BICDL1: variants seen among roughly 807,000 people sequenced by gnomAD.
BICDL1 encodes BICD family-like cargo adapter 1.
A neutral mutation model predicts 76.8 loss-of-function variants in BICDL1; 20 were observed. That is an observed-to-expected ratio of 0.26 (90% confidence interval 0.18 to 0.38). The LOEUF is 0.38. BICDL1 is among the 10% of genes least tolerant of loss of function. BICDL1 has a pLI of 1.00. For synonymous variants in BICDL1, 383 were observed against 337.1 expected (o/e 1.14, Z -1.49); for missense variants, 700 against 798.6 (o/e 0.88, Z 1.49).
At chr12:120,021,647 C>T (rs1419809509) in intron 2 of BICDL1, among the ~76,000 whole-genome samples, 1 of 148,992 alleles carries the variant, frequency 6.7e-6, no homozygotes, top group Non-Finnish European at 1.5e-5. Flanking sequence ...TGCCTGTAAT[C>T]CCAGCACTTT....
intron 2 of BICDL1, among the ~76,000 whole-genome samples, chr12:120,011,782 G>A (rs144176196): frequency 7.0e-6 from 1 of 142,024 alleles, no homozygotes; most frequent in African/African-American, 2.7e-5. Context: ...TTCCCATAAA[G>A]TCCAACAGCA....
At chr12:120,017,433 A>G (rs1205821025) in intron 2 of BICDL1, among the ~76,000 whole-genome samples, 5 of 152,180 alleles carry the variant, frequency 3.3e-5, no homozygotes, top group African/African-American at 1.2e-4. Flanking sequence ...CTTTTTATGC[A>G]TCATCTGTAA....
chr12:120,091,071 C>G, intron 9 of BICDL1: 1 of 1,286,896 alleles, frequency 7.8e-7, no homozygotes, highest in Admixed American at 2.3e-5. Context: ...CATTGCTGTG[C>G]TGCCCCGCCG....
intron 2 of BICDL1, chr12:120,057,285 G>T: frequency 2.8e-6 from 1 of 353,588 alleles, no homozygotes; most frequent in Non-Finnish European, 5.5e-6. Flanking sequence ...AACGTGCTGG[G>T]ATTACACCGC....
chr12:120,020,520 G>A (rs1223035014), intron 2 of BICDL1, among the ~76,000 whole-genome samples: 1 of 152,144 alleles, frequency 6.6e-6, no homozygotes, highest in East Asian at 1.9e-4. Flanking sequence ...TTTTCCAGGA[G>A]CAACCTTTTT....
chr12:120,089,609 C>A (rs1291363317), intron 8 of BICDL1, among the ~76,000 whole-genome samples: 1 of 151,982 alleles, frequency 6.6e-6, no homozygotes, highest in African/African-American at 2.4e-5. Flanking sequence ...CTCGAACCCT[C>A]GATCTCAGGT....
At chr12:120,006,312 T>C (rs1414229633) in intron 2 of BICDL1, among the ~76,000 whole-genome samples, 3 of 152,228 alleles carry the variant, frequency 2.0e-5, no homozygotes, top group Non-Finnish European at 4.4e-5. Context: ...TATTTATCTT[T>C]ATATATGTTG....
chr12:120,026,718 A>G (rs1952310674), intron 2 of BICDL1, among the ~76,000 whole-genome samples: 1 of 152,206 alleles, frequency 6.6e-6, no homozygotes, highest in Non-Finnish European at 1.5e-5. Flanking sequence ...GTTGGCATGA[A>G]TTGTGAGCAG....
intron 2 of BICDL1, among the ~76,000 whole-genome samples, chr12:120,028,275 A>T (rs530198209): frequency 6.6e-6 from 1 of 152,098 alleles, no homozygotes; most frequent in South Asian, 2.1e-4. Flanking sequence ...ATAAGAAAAT[A>T]TATCTAATTT....
At chr12:120,090,527 T>C (rs1460403412) in intron 9 of BICDL1, among the ~76,000 whole-genome samples, 3 of 152,206 alleles carry the variant, frequency 2.0e-5, no homozygotes, top group East Asian at 3.9e-4. Flanking sequence ...GCACAGGCCC[T>C]GGGGAAGAGG....
chr12:120,029,504 A>G (rs1952378058), intron 2 of BICDL1, among the ~76,000 whole-genome samples: 1 of 152,212 alleles, frequency 6.6e-6, no homozygotes, highest in South Asian at 2.1e-4. Context: ...ATCAATGTCA[A>G]GCAGTGTATC....
Position 120,079,601 on chromosome 12 carries a change from T to C in BICDL1, c.1453-1286T>C, listed in dbSNP as rs1469430990. ...ATCTTATCAACTGAGAAGAAGGGGC[T>C]CCCACCCTTTCATTATTCAATAAAT... On this transcript the variant is annotated intron_variant, in intron 7 of 9. Coordinates refer to ENST00000548673, the MANE Select transcript of BICDL1 (RefSeq NM_001367886.1). This position sits in a 1 kb window ranked among gnomAD's most constrained non-coding sequence, Gnocchi z 4.3. Among the ~76,000 whole-genome samples, 1 of 152,130 alleles carries C rather than the reference T, an allele frequency of 6.6e-6. No individual in the cohort carries two copies. The highest frequency in any genetic ancestry group is 1.5e-5 in the Non-Finnish European group (1 of 68,038).
chr12:120,030,674 A>T (rs1043598023), intron 2 of BICDL1, among the ~76,000 whole-genome samples: 1 of 152,264 alleles, frequency 6.6e-6, no homozygotes, highest in Non-Finnish European at 1.5e-5. Context: ...TTGCAAGTGC[A>T]GGATGACCCA....
intron 2 of BICDL1, among the ~76,000 whole-genome samples, chr12:120,024,952 A>G (rs1952259571): frequency 6.6e-6 from 1 of 152,060 alleles, no homozygotes; most frequent in Non-Finnish European, 1.5e-5. Context: ...TACTGGGATC[A>G]CAGGCACGAG....
chr12:120,050,404 C>G (rs577134469), intron 2 of BICDL1, among the ~76,000 whole-genome samples: 1 of 149,550 alleles, frequency 6.7e-6, no homozygotes, highest in East Asian at 2.0e-4. Flanking sequence ...GTAGTTGGGA[C>G]TACAGGTGCC....
At chr12:120,010,268 A>G (rs1951926890) in intron 2 of BICDL1, among the ~76,000 whole-genome samples, 1 of 152,266 alleles carries the variant, frequency 6.6e-6, no homozygotes, top group African/African-American at 2.4e-5. Flanking sequence ...TTTGTTTTCA[A>G]TATTTAAAAT....
At chr12:120,026,163 A>G (rs1445245602) in intron 2 of BICDL1, among the ~76,000 whole-genome samples, 1 of 152,170 alleles carries the variant, frequency 6.6e-6, no homozygotes, top group Non-Finnish European at 1.5e-5. Context: ...AGAGTTTCAT[A>G]TTGAAGTATT....
chr12:120,087,135 GGA>G (rs1408707159), intron 8 of BICDL1, among the ~76,000 whole-genome samples: 1 of 152,262 alleles, frequency 6.6e-6, no homozygotes, highest in African/African-American at 2.4e-5. Flanking sequence ...TGACGCTACT[GGA>G]GGGGTGTCCA....
At chr12:120,056,992 C>T (rs1338851512) in intron 2 of BICDL1, 2 of 483,400 alleles carry the variant, frequency 4.1e-6, no homozygotes, top group African/African-American at 2.0e-5. Flanking sequence ...TGGATAGGAG[C>T]CCAGTGGTCC....
Sources: gnomAD v4.1 joint callset for allele counts (sites outside exome capture counted in the v4.1 genomes callset) on GRCh38, gnomAD v4.1.1 for gene constraint, Gnocchi (gnomAD v3.1) non-coding constraint, MANE v1.5 for transcripts, NCBI Gene and HGNC (gene_info 2026-07-23, HGNC 2026-07-21) for gene names.